The following ARHGEF38 variants were observed in gnomAD, a reference collection of about 807,000 sequenced individuals.
ARHGEF38 encodes the protein Rho guanine nucleotide exchange factor (GEF) 38.
Under a neutral mutation model 79.9 loss-of-function variants are expected in ARHGEF38, and 79 were observed. The ratio of observed to expected loss-of-function variants is 0.99; its 90% CI spans 0.82 to 1.19. The LOEUF is 1.19. Among genes scored for constraint, ARHGEF38 ranks in the 50% most tolerant of loss-of-function variants. The pLI is 0.00. For missense variants in ARHGEF38, 962 were observed against 907.2 expected, an observed-to-expected ratio of 1.06 and a Z score of -0.78; for synonymous variants, 366 against 328.3, an observed-to-expected ratio of 1.11 and a Z score of -1.24.
chr4:105,565,445 T>C (rs1227847048), intron 1 of ARHGEF38, among the ~76,000 whole-genome samples: 1 of 152,136 alleles, frequency 6.6e-6, no homozygotes, highest in Non-Finnish European at 1.5e-5. Context: ...TAAGCCAAGA[T>C]TTTTTTGGGT....
At position 105,552,920 on chromosome 4, in the gene ARHGEF38, G is replaced by A; in HGVS notation, c.155G>A (p.Arg52Lys). The A allele has an allele frequency of 6.2e-7, 1 of 1,613,412 alleles. No homozygotes were observed. The change falls in exon 1 of 14, where the codon AGG becomes AAG. Residue 52 changes from arginine (R) to lysine (K), a missense_variant. By Grantham distance (26) the Arg-to-Lys change is conservative (BLOSUM62 2). Transcript: ENST00000420470. Reference protein sequence around the residue: ...VSGDHSGTLRRSQSDRTEYNQ... With the variant: ...VSGDHSGTLRKSQSDRTEYNQ... ...GGGGACCACTCTGGCACCTTGAGGA[G>A]GAGCCAATCTGACAGGACCGAATAC...
At chr4:105,631,456 C>A in intron 4 of ARHGEF38, 1 of 985,930 alleles carries the variant, frequency 1.0e-6, no homozygotes, top group Non-Finnish European at 1.2e-6. Flanking sequence ...TCTGCATGGC[C>A]GTCTTCTTTC....
intron 2 of ARHGEF38, among the ~76,000 whole-genome samples, chr4:105,601,332 G>A (rs1036564756): frequency 1.2e-4 from 18 of 152,066 alleles, no homozygotes; most frequent in Non-Finnish European, 1.9e-4. Flanking sequence ...CTTCATGTCC[G>A]TCAAGACTTT....
At chr4:105,645,779 A>T (rs1226198816) in intron 6 of ARHGEF38, among the ~76,000 whole-genome samples, 1 of 152,216 alleles carries the variant, frequency 6.6e-6, no homozygotes, top group East Asian at 1.9e-4. Flanking sequence ...GGAAAGGGGA[A>T]GATCTAGGTG....
chr4:105,619,863 T>A (rs185577289), intron 3 of ARHGEF38, among the ~76,000 whole-genome samples: 141 of 152,278 alleles, frequency 9.3e-4, no homozygotes, highest in Middle Eastern at 3.4e-3. Flanking sequence ...ATAAACTGAT[T>A]GTTGGTGAGA....
intron 2 of ARHGEF38, among the ~76,000 whole-genome samples, chr4:105,599,884 TG>T (rs895900592): frequency 7.9e-5 from 12 of 152,190 alleles, no homozygotes; most frequent in Non-Finnish European, 1.3e-4. Context: ...AACACATTTT[TG>T]TGTCATCAAA....
intron 1 of ARHGEF38, among the ~76,000 whole-genome samples, chr4:105,560,201 C>T (rs1184996810): frequency 1.3e-5 from 2 of 152,018 alleles, no homozygotes; most frequent in Non-Finnish European, 2.9e-5. Context: ...GTGGCATGTC[C>T]CTGCCAGACT....
intron 5 of ARHGEF38, among the ~76,000 whole-genome samples, chr4:105,642,497 C>G (rs377042569): frequency 1.3e-5 from 2 of 152,092 alleles, no homozygotes; most frequent in Admixed American, 6.6e-5. Context: ...ACAACAGAGC[C>G]TAAGTTGGTT....
intron 1 of ARHGEF38, among the ~76,000 whole-genome samples, chr4:105,560,683 G>C (rs1725475456): frequency 6.6e-6 from 1 of 152,162 alleles, no homozygotes; most frequent in South Asian, 2.1e-4. Flanking sequence ...TAAGATACCT[G>C]CACTGAAGCC....
intron 1 of ARHGEF38, among the ~76,000 whole-genome samples, chr4:105,575,666 T>C (rs924789005): frequency 6.6e-5 from 10 of 152,202 alleles, no homozygotes; most frequent in Admixed American, 1.3e-4. Flanking sequence ...AGGTCTCATT[T>C]ATTTATTTTT....
intron 3 of ARHGEF38, among the ~76,000 whole-genome samples, chr4:105,614,608 C>T (rs531298419): frequency 2.0e-5 from 3 of 152,254 alleles, no homozygotes; most frequent in Admixed American, 2.0e-4. Flanking sequence ...GGCCAGCCCA[C>T]TCAGAAAGAT....
At chr4:105,664,927 A>C (rs912532166) in intron 10 of ARHGEF38, among the ~76,000 whole-genome samples, 1 of 152,156 alleles carries the variant, frequency 6.6e-6, no homozygotes, top group East Asian at 1.9e-4. Flanking sequence ...CTAATTTCCT[A>C]CAGGTGCTCC....
At chr4:105,563,844 A>G (rs1421004273) in intron 1 of ARHGEF38, among the ~76,000 whole-genome samples, 2 of 152,212 alleles carry the variant, frequency 1.3e-5, no homozygotes, top group African/African-American at 4.8e-5. Flanking sequence ...GTGTTATTTT[A>G]TGCCTCTCAA....
At chr4:105,584,962 G>A (rs1034281098) in intron 1 of ARHGEF38, among the ~76,000 whole-genome samples, 1 of 152,106 alleles carries the variant, frequency 6.6e-6, no homozygotes, top group Non-Finnish European at 1.5e-5. Context: ...CAGATAAACT[G>A]CTCAGGATTC....
chr4:105,556,044 A>T (rs1725237715), intron 1 of ARHGEF38, among the ~76,000 whole-genome samples: 1 of 152,210 alleles, frequency 6.6e-6, no homozygotes, highest in South Asian at 2.1e-4. Flanking sequence ...GGAGTTGTAT[A>T]ATAATAGAAA....
chr4:105,634,193 C>A (rs1306822059), intron 4 of ARHGEF38, among the ~76,000 whole-genome samples: 1 of 152,148 alleles, frequency 6.6e-6, no homozygotes, highest in Non-Finnish European at 1.5e-5. Flanking sequence ...CATACACACT[C>A]AAGTTAAGAA....
At chr4:105,602,023 A>G (rs1000921562) in intron 2 of ARHGEF38, among the ~76,000 whole-genome samples, 4 of 152,172 alleles carry the variant, frequency 2.6e-5, no homozygotes, top group African/African-American at 9.6e-5. Flanking sequence ...AGCAATAAAT[A>G]CTTATGGATT....
At chr4:105,631,352 G>T in intron 4 of ARHGEF38, 1 of 1,023,544 alleles carries the variant, frequency 9.8e-7, no homozygotes, top group Non-Finnish European at 1.2e-6. Context: ...TAACTTGCCT[G>T]GCCCCACGTA....
chr4:105,664,780 G>A (rs906882249), intron 10 of ARHGEF38, among the ~76,000 whole-genome samples: 1 of 152,176 alleles, frequency 6.6e-6, no homozygotes, highest in African/African-American at 2.4e-5. Context: ...AGAAATATGG[G>A]GAGGGAGCAG....
Sources: gnomAD v4.1 joint callset for allele counts (sites outside exome capture counted in the v4.1 genomes callset) on GRCh38, gnomAD v4.1.1 for gene constraint, MANE v1.5 for transcripts, NCBI Gene and HGNC (gene_info 2026-07-23, HGNC 2026-07-21) for gene names.